GARS1: variants seen among roughly 807,000 people sequenced by gnomAD.
The protein encoded by GARS1 is glycyl-tRNA synthetase 1, also known as glycine--tRNA ligase.
Under a neutral mutation model 86.4 loss-of-function variants are expected in GARS1, and 46 were observed. That is an observed-to-expected ratio of 0.53 (90% CI 0.42 to 0.68). The LOEUF is 0.68. Ranked by LOEUF, GARS1 falls within the 30% of genes least tolerant of loss-of-function variation. The probability of loss-of-function intolerance (pLI) is 0.00; values close to 1 mark genes in which losing one functional copy is unlikely to be tolerated. For synonymous variants in GARS1, 342 were observed against 329.8 expected (o/e 1.04, Z -0.40); for missense variants, 797 against 915.6 (o/e 0.87, Z 1.67).
chr7:30,627,695 C>T (rs528883117), intron 13 of GARS1, among the ~76,000 whole-genome samples: 1 of 152,230 alleles, frequency 6.6e-6, no homozygotes, highest in Non-Finnish European at 1.5e-5. Context: ...AAACTCTCCC[C>T]TAAGGGCGTC....
At chr7:30,624,559 A>G (rs73294450) in intron 12 of GARS1, among the ~76,000 whole-genome samples, 15,390 of 152,226 alleles carry the variant, frequency 0.1, 862 homozygotes, top group South Asian at 0.2. Flanking sequence ...TTACTTGAAG[A>G]TAAACTATGA....
At chr7:30,626,704 C>T (rs1034891687) in intron 13 of GARS1, among the ~76,000 whole-genome samples, 3 of 152,190 alleles carry the variant, frequency 2.0e-5, no homozygotes, top group African/African-American at 4.8e-5. Flanking sequence ...ATTTAGGGGC[C>T]GGGCGTGGTG....
upstream of GARS1, chr7:30,594,852 A>G: frequency 5.2e-6 from 7 of 1,347,458 alleles, no homozygotes; most frequent in East Asian, 2.5e-5. Flanking sequence ...CGATTTCATC[A>G]TGCTCCGAGC....
chr7:30,603,866 T>C (rs1295522313), intron 6 of GARS1, among the ~76,000 whole-genome samples: 1 of 152,222 alleles, frequency 6.6e-6, no homozygotes, highest in African/African-American at 2.4e-5. Flanking sequence ...GAGTGACTGA[T>C]GATGGGTAGT....
chr7:30,595,572 A>G (rs1791229606), intron 1 of GARS1, among the ~76,000 whole-genome samples: 1 of 151,998 alleles, frequency 6.6e-6, no homozygotes, highest in South Asian at 2.1e-4. Flanking sequence ...AAAGCCTCCT[A>G]ATTCTTTCAG....
chr7:30,621,677 T>C, intron 11 of GARS1, 177 bp downstream of exon 11: 4 of 649,972 alleles, frequency 6.2e-6, no homozygotes, highest in Non-Finnish European at 1.1e-5. Flanking sequence ...TTCTCTGTAC[T>C]TGTAGTCTGA....
rs1782904125 is a variant in GARS1, at chr7:30,617,144, T to G, written c.1225T>G (p.Phe409Val). The G allele has an allele frequency of 1.2e-6, 2 of 1,614,158 alleles. No homozygotes were observed. Among genetic ancestry groups the G allele is most frequent in the Non-Finnish European group, 1.7e-6 (2 of 1,179,994 alleles). ...GVINNTVLGY[F>V]IGRIYLYLTK... ...GATTAATAACACAGTATTAGGCTATTTCATTGGCCGCATCTACCTCTACCT... is the reference window on the plus strand; with the variant it reads ...GATTAATAACACAGTATTAGGCTATGTCATTGGCCGCATCTACCTCTACCT... The change falls in exon 10 of 17, where the codon TTC (phenylalanine) becomes GTC (valine). Residue 409 changes from phenylalanine (F) to valine (V), a missense_variant. By Grantham distance (50) the Phe-to-Val change is conservative (BLOSUM62 -1). This residue lies in a region of GARS1 where 598 missense variants were observed against 738.7 expected (regional missense o/e 0.81). Transcript: ENST00000389266.
intron 7 of GARS1, among the ~76,000 whole-genome samples, chr7:30,611,861 A>C (rs970856399): frequency 1.3e-4 from 20 of 152,348 alleles, no homozygotes; most frequent in Admixed American, 5.9e-4. Flanking sequence ...TAATTAAATG[A>C]AATGGCATTG....
At chr7:30,603,599 G>C in intron 6 of GARS1, 27 bp downstream of exon 6, 1 of 1,518,866 alleles carries the variant, frequency 6.6e-7, no homozygotes, top group Non-Finnish European at 9.1e-7. Flanking sequence ...TGTTATCAGA[G>C]TAACCTAGGT....
intron 3 of GARS1, 116 bp downstream of exon 3, chr7:30,600,165 G>A (rs2128132588): frequency 2.6e-6 from 2 of 775,108 alleles, no homozygotes; most frequent in East Asian, 5.3e-5. Context: ...CAAAGCAGAG[G>A]ATGGATGTTT....
In GARS1 at chr7:30,617,202, G is replaced by A. The variant is rs1203971547; in HGVS notation, c.1283G>A (p.Arg428His). 5 of 1,613,972 alleles carry A rather than the reference G, an allele frequency of 3.1e-6. No individual in the cohort carries two copies. Among genetic ancestry groups the A allele is most frequent in the South Asian group, 1.1e-5 (1 of 91,070 alleles). Residue 428 changes from arginine to histidine, a missense_variant, in exon 10 of 17, where the codon CGC becomes CAC. Transcript: ENST00000389266. ...GTTGGAATATCTCCAGATAAACTCC[G>A]CTTCCGGCAGCACATGGAGAATGAG... ...TKVGISPDKL[R>H]FRQHMENEMA...
chr7:30,628,818 G>A, intron 14 of GARS1, 149 bp downstream of exon 14: 1 of 575,854 alleles, frequency 1.7e-6, no homozygotes, highest in Non-Finnish European at 3.2e-6. Context: ...GCTTAAGTAT[G>A]TATAGACAAA....
intron 10 of GARS1, 83 bp from the exon 11 acceptor site, chr7:30,621,310 T>A: frequency 9.2e-7 from 1 of 1,081,780 alleles, no homozygotes; most frequent in Non-Finnish European, 1.4e-6. Context: ...ATATGAAAGG[T>A]TTATAATCTG....
intron 6 of GARS1, among the ~76,000 whole-genome samples, chr7:30,608,023 C>T (rs1298897005): frequency 6.6e-6 from 1 of 152,144 alleles, no homozygotes; most frequent in Non-Finnish European, 1.5e-5. Context: ...AGATTGCCTC[C>T]TTCCATTTTA....
chr7:30,616,088 T>TTG lies in GARS1; in HGVS notation c.1194+33_1194+34dup, dbSNP rs767411617. On this transcript the variant is annotated intron_variant, in intron 9 of 16. Coordinates refer to ENST00000389266, the MANE Select transcript of GARS1 (RefSeq NM_002047.4). ...GATTCTGGAGGTAACTTAACTTAGA[T>TTG]TGTGCCTGTTCAGGGTTTGCAGCAA... 9.8e-5 allele frequency: 158 copies of TTG among 1,613,432 alleles called. No individual in the cohort carries two copies. The East Asian group carries it at 3.4e-3, about 35-fold the overall frequency.
intron 7 of GARS1, among the ~76,000 whole-genome samples, chr7:30,610,783 T>C (rs1791583619): frequency 6.6e-6 from 1 of 152,068 alleles, no homozygotes. Context: ...AATTTGAGAG[T>C]GGTTAAACAA....
At chr7:30,620,351 T>C (rs2128134997) in intron 10 of GARS1, among the ~76,000 whole-genome samples, 1 of 152,298 alleles carries the variant, frequency 6.6e-6, no homozygotes, top group Middle Eastern at 3.4e-3. Flanking sequence ...CAGCATCGTC[T>C]GATCCTTGTG....
chr7:30,621,307 AG>A (rs2128135078), intron 10 of GARS1, 85 bp from the exon 11 acceptor site: 1 of 1,030,778 alleles, frequency 9.7e-7, no homozygotes, highest in African/African-American at 1.6e-5. Flanking sequence ...AATATATGAA[AG>A]GTTTATAATC....
intron 8 of GARS1, among the ~76,000 whole-genome samples, chr7:30,615,308 C>G (rs1032769372): frequency 4.6e-5 from 7 of 152,134 alleles, no homozygotes; most frequent in African/African-American, 1.2e-4. Flanking sequence ...GCTAAAGAAC[C>G]ATTTCATTTC....
Sources: gnomAD v4.1 joint callset for allele counts (sites outside exome capture counted in the v4.1 genomes callset) on GRCh38, gnomAD v4.1.1 for gene constraint, gnomAD v4.1.1 regional missense constraint, MANE v1.5 for transcripts, NCBI Gene and HGNC (gene_info 2026-07-23, HGNC 2026-07-21) for gene names.